Variants in TMEM63C observed in about 807,000 individuals in gnomAD.
TMEM63C encodes the protein osmosensitive cation channel TMEM63C.
Under a neutral mutation model 99.2 loss-of-function variants are expected in TMEM63C, and 32 were observed. The ratio of observed to expected loss-of-function variants is 0.32; its 90% CI spans 0.24 to 0.43. TMEM63C has a LOEUF of 0.43. Ranked by LOEUF, TMEM63C falls within the 20% of genes least tolerant of loss-of-function variation. The probability of loss-of-function intolerance (pLI) is 1.00; values close to 1 mark genes in which losing one functional copy is unlikely to be tolerated. For missense variants in TMEM63C, 826 were observed against 1,053.0 expected (o/e 0.78, Z 2.98); for synonymous variants, 376 against 397.9 (o/e 0.94, Z 0.66).
intron 2 of TMEM63C, among the ~76,000 whole-genome samples, chr14:77,216,403 C>T (rs917532712): frequency 2.6e-5 from 4 of 152,292 alleles, no homozygotes; most frequent in South Asian, 2.1e-4. Flanking sequence ...GGCTTTGCCT[C>T]GAAGAGTTGT....
At chr14:77,244,025 C>T (rs1313607264) in intron 15 of TMEM63C, among the ~76,000 whole-genome samples, 1 of 151,886 alleles carries the variant, frequency 6.6e-6, no homozygotes, top group Non-Finnish European at 1.5e-5. Flanking sequence ...TCCTCCCCTC[C>T]TCCCCCGCTC....
At chr14:77,233,763 G>T (rs1888986810) in intron 8 of TMEM63C, among the ~76,000 whole-genome samples, 1 of 152,068 alleles carries the variant, frequency 6.6e-6, no homozygotes, top group African/African-American at 2.4e-5. Context: ...TGGAGAAATG[G>T]TCCTATTTGC....
At chr14:77,213,666 T>C (rs1888529200) in intron 2 of TMEM63C, 158 bp downstream of exon 2, 1 of 152,254 alleles carries the variant, frequency 6.6e-6, no homozygotes, top group Non-Finnish European at 1.5e-5. Flanking sequence ...AGATGCCAGC[T>C]CCTTCCTCCA....
chr14:77,247,547 C>T (rs541351003), intron 18 of TMEM63C, among the ~76,000 whole-genome samples: 19 of 152,200 alleles, frequency 1.2e-4, no homozygotes, highest in African/African-American at 4.3e-4. Context: ...ATTTTACTGT[C>T]TTAAAAACAT....
At chr14:77,186,801 C>CTGTGTGTCTGTGTG (rs1888005423) in intron 1 of TMEM63C, among the ~76,000 whole-genome samples, 7 of 146,372 alleles carry the variant, frequency 4.8e-5, no homozygotes, top group African/African-American at 1.8e-4. Context: ...GTGTGTGTGT[C>CTGTGTGTCTGTGTG]TGTGTGTGTG....
intron 18 of TMEM63C, among the ~76,000 whole-genome samples, chr14:77,247,995 C>T (rs1415088287): frequency 6.6e-6 from 1 of 152,174 alleles, no homozygotes; most frequent in East Asian, 1.9e-4. Flanking sequence ...TCCTAGTTTA[C>T]AGACCCCCCA....
At chr14:77,205,536 G>T (rs376614342) in intron 1 of TMEM63C, among the ~76,000 whole-genome samples, 1 of 152,252 alleles carries the variant, frequency 6.6e-6, no homozygotes, top group Non-Finnish European at 1.5e-5. Context: ...AGACCAGGGG[G>T]TGTACCCAGA....
In TMEM63C at chr14:77,244,342, C is replaced by T; in HGVS notation, c.1342-7C>T. 6.2e-7 allele frequency: 1 copy of T among 1,610,296 alleles called. No homozygotes were observed. Among genetic ancestry groups the T allele is most frequent in the South Asian group, 1.1e-5 (1 of 90,966 alleles). On this transcript the variant is annotated splice_region_variant and splice_polypyrimidine_tract_variant and intron_variant, in intron 15 of 23. Transcript: ENST00000298351. Reference sequence around the variant, plus strand: ...CTCTCCTGCCGTCCTCCCCTCTCCCCCTGCAGAACCCAATTGTGACCCAGT... The same window carrying T: ...CTCTCCTGCCGTCCTCCCCTCTCCCTCTGCAGAACCCAATTGTGACCCAGT...
chr14:77,237,212 G>A (rs972304490), intron 9 of TMEM63C, among the ~76,000 whole-genome samples: 2 of 152,036 alleles, frequency 1.3e-5, no homozygotes, highest in Admixed American at 6.5e-5. Context: ...GTGGACCAGC[G>A]GGGGCCTCCA....
chr14:77,226,138 A>T (rs1888819578), intron 6 of TMEM63C, among the ~76,000 whole-genome samples: 2 of 152,154 alleles, frequency 1.3e-5, no homozygotes, highest in South Asian at 4.1e-4. Context: ...ACACACGTAC[A>T]CGTGTGCACA....
chr14:77,200,381 A>G (rs2140096616), intron 1 of TMEM63C, among the ~76,000 whole-genome samples: 1 of 152,322 alleles, frequency 6.6e-6, no homozygotes, highest in Non-Finnish European at 1.5e-5. Flanking sequence ...GCCTCCCTGC[A>G]GGGCTAACCT....
chr14:77,231,451 T>G lies in TMEM63C; in HGVS notation c.351-137T>G. On this transcript the variant is annotated intron_variant, in intron 6 of 23. Transcript: ENST00000298351. Reference sequence around the variant, plus strand: ...GGCAATTTCGAAGTTGCCTTATATATGAGATATAGAGATAGTAAAAAAAAA... The same window carrying G: ...GGCAATTTCGAAGTTGCCTTATATAGGAGATATAGAGATAGTAAAAAAAAA... The G allele has an allele frequency of 1.8e-4, 151 of 850,046 alleles. 1 individual carries two copies. The highest frequency in any genetic ancestry group is 2.1e-4 in the Non-Finnish European group (122 of 568,356). 52.7% of individuals were successfully genotyped at this position (850,046 alleles called of 1,614,324 possible). A position where few individuals can be genotyped will look rare whatever the true frequency, so the allele number is the denominator to read the frequency against.
At position 77,259,154 on chromosome 14, in the gene TMEM63C, C is replaced by A. The variant is rs1430373586; in HGVS notation, c.*2428C>A. The A allele has an allele frequency of 6.5e-6, 1 of 152,980 alleles. No homozygotes were observed. Among genetic ancestry groups the A allele is most frequent in the African/African-American group, 2.4e-5 (1 of 41,376 alleles). 9.5% of individuals were successfully genotyped at this position (152,980 alleles called of 1,614,324 possible). ...CCCCACCTACTGCCATCCCACTCCTCTGCCAGCCACTTCCCAGCCGCCCCA... is the reference window on the plus strand; with the variant it reads ...CCCCACCTACTGCCATCCCACTCCTATGCCAGCCACTTCCCAGCCGCCCCA... On this transcript the variant is annotated 3_prime_UTR_variant, in exon 24 of 24. Transcript: ENST00000298351.
At chr14:77,188,414 G>A (rs750039773) in intron 1 of TMEM63C, among the ~76,000 whole-genome samples, 7 of 152,176 alleles carry the variant, frequency 4.6e-5, no homozygotes, top group Non-Finnish European at 8.8e-5. Context: ...GCAATACAAA[G>A]CTCCATGAGA....
intron 12 of TMEM63C, among the ~76,000 whole-genome samples, chr14:77,240,111 G>C (rs530102978): frequency 6.6e-6 from 1 of 152,186 alleles, no homozygotes; most frequent in African/African-American, 2.4e-5. Context: ...CAAAGAGGGC[G>C]TCGAGACTCA....
intron 13 of TMEM63C, among the ~76,000 whole-genome samples, chr14:77,241,335 C>A (rs1355092990): frequency 6.6e-6 from 1 of 152,144 alleles, no homozygotes; most frequent in Non-Finnish European, 1.5e-5. Flanking sequence ...CAGGCCTCCC[C>A]TAATTCATAG....
intron 1 of TMEM63C, among the ~76,000 whole-genome samples, chr14:77,209,646 G>T (rs528827875): frequency 1.3e-5 from 2 of 152,176 alleles, no homozygotes; most frequent in South Asian, 4.1e-4. Context: ...GTTCAGACAG[G>T]GCTGGTAATC....
intron 6 of TMEM63C, among the ~76,000 whole-genome samples, chr14:77,229,322 G>T (rs1220652828): frequency 6.6e-6 from 1 of 151,950 alleles, no homozygotes; most frequent in African/African-American, 2.4e-5. Context: ...ACTTGAATCT[G>T]GGAGACAGAG....
At chr14:77,191,030 G>C (rs1280575997) in intron 1 of TMEM63C, among the ~76,000 whole-genome samples, 1 of 152,096 alleles carries the variant, frequency 6.6e-6, no homozygotes, top group Non-Finnish European at 1.5e-5. Context: ...CAACATGATT[G>C]GTAATAACTA....
Sources: allele counts gnomAD v4.1 joint callset (sites outside exome capture counted in the v4.1 genomes callset), GRCh38; gene constraint gnomAD v4.1.1; transcripts MANE v1.5; gene names NCBI Gene and HGNC (gene_info 2026-07-23, HGNC 2026-07-21).